ARL6IP6: variants seen among roughly 807,000 people sequenced by gnomAD.
ARL6IP6 encodes ADP-ribosylation factor-like protein 6-interacting protein 6.
In ARL6IP6, 22 loss-of-function variants were observed where a neutral mutation model predicts 21.5. The observed-to-expected ratio is 1.02, with a 90% CI of 0.73 to 1.46. ARL6IP6 has a LOEUF of 1.46. Ranked by LOEUF, ARL6IP6 falls within the 40% of genes most tolerant of loss-of-function variation. The pLI, the probability that ARL6IP6 is intolerant of heterozygous loss-of-function variation, is 0.00. For synonymous variants in ARL6IP6, 164 were observed against 125.3 expected (o/e 1.31, Z -2.06); for missense variants, 388 against 299.8 (o/e 1.29, Z -2.17).
chr2:152,731,109 C>T (rs1700289490), intron 2 of ARL6IP6, among the ~76,000 whole-genome samples: 1 of 152,118 alleles, frequency 6.6e-6, no homozygotes, highest in African/African-American at 2.4e-5. Context: ...CACTCCTATC[C>T]CTGATTATAT....
chr2:152,737,563 A>C (rs375478143), intron 3 of ARL6IP6, among the ~76,000 whole-genome samples: 21 of 152,170 alleles, frequency 1.4e-4, no homozygotes, highest in African/African-American at 4.3e-4. Context: ...ACAGTTCCAC[A>C]TGGCTGGGGA....
chr2:152,749,990 C>T (rs2105173630), intron 3 of ARL6IP6, among the ~76,000 whole-genome samples: 1 of 152,268 alleles, frequency 6.6e-6, no homozygotes, highest in African/African-American at 2.4e-5. Flanking sequence ...AAATTATATC[C>T]ATTAATTTTC....
At chr2:152,759,408 G>C (rs2105199459) in intron 3 of ARL6IP6, among the ~76,000 whole-genome samples, 1 of 152,274 alleles carries the variant, frequency 6.6e-6, no homozygotes, top group Middle Eastern at 3.4e-3. Flanking sequence ...AGAACTGTTT[G>C]TAAAATAACA....
intron 3 of ARL6IP6, among the ~76,000 whole-genome samples, chr2:152,747,950 C>G (rs1006528958): frequency 6.6e-6 from 1 of 152,206 alleles, no homozygotes; most frequent in Non-Finnish European, 1.5e-5. Context: ...ATCCTCCTGC[C>G]TCAGCCTTCC....
At chr2:152,757,981 C>T (rs1701664817) in intron 3 of ARL6IP6, among the ~76,000 whole-genome samples, 1 of 152,134 alleles carries the variant, frequency 6.6e-6, no homozygotes, top group South Asian at 2.1e-4. Context: ...GGATCACAAA[C>T]TACTAAAACA....
Position 152,760,865 on chromosome 2 carries a change from A to G in ARL6IP6, c.*1025A>G, listed in dbSNP as rs1465904773. On this transcript the variant is annotated 3_prime_UTR_variant, in exon 4 of 4. Transcript: ENST00000326446. The stretch of plus-strand genomic sequence containing the variant: ...TGATACTAGATATTAAAAACTACAT[A>G]TAGTTAATATAATTTTATAATTTTT... 2 of 152,180 alleles carry G rather than the reference A, an allele frequency of 1.3e-5. No homozygotes were observed. Among genetic ancestry groups the G allele is most frequent in the African/African-American group, 4.8e-5 (2 of 41,558 alleles). 9.4% of individuals were successfully genotyped at this position (152,180 alleles called of 1,614,324 possible).
Position 152,738,755 on chromosome 2 carries a change from A to G in ARL6IP6, c.587+3629A>G, listed in dbSNP as rs551758191. 3.6e-4 allele frequency among the ~76,000 whole-genome samples: 55 copies of G among 152,076 alleles called. No individual in the cohort carries two copies. The South Asian group carries it at 0.011, about 30-fold the overall frequency. The stretch of plus-strand genomic sequence containing the variant: ...TGTGATGGGAGAGGCTGCTGGGAAG[A>G]CCTCTGACATGCCCTGGAGACATTT... On this transcript the variant is annotated intron_variant, in intron 3 of 3. Coordinates refer to ENST00000326446, the MANE Select transcript of ARL6IP6 (RefSeq NM_152522.7).
At chr2:152,757,344 T>C (rs536516573) in intron 3 of ARL6IP6, among the ~76,000 whole-genome samples, 2 of 152,330 alleles carry the variant, frequency 1.3e-5, no homozygotes, top group African/African-American at 4.8e-5. Flanking sequence ...CATTGAACTG[T>C]ATATAAATGT....
chr2:152,722,194 G>C (rs1699823290), intron 2 of ARL6IP6, among the ~76,000 whole-genome samples: 1 of 152,112 alleles, frequency 6.6e-6, no homozygotes, highest in Admixed American at 6.5e-5. Flanking sequence ...TTCCACTTAG[G>C]GTTAAATAAT....
upstream of ARL6IP6, chr2:152,717,703 C>T (rs1359760882): frequency 1.7e-5 from 23 of 1,386,718 alleles, no homozygotes; most frequent in Non-Finnish European, 2.0e-5. Context: ...CTACCAACTT[C>T]CCCAGGGGAA....
At chr2:152,751,230 AATC>A (rs1701315573) in intron 3 of ARL6IP6, among the ~76,000 whole-genome samples, 1 of 152,194 alleles carries the variant, frequency 6.6e-6, no homozygotes, top group African/African-American at 2.4e-5. Context: ...GACACATAAT[AATC>A]ATATTCATTA....
chr2:152,741,310 C>CT (rs1700798489), intron 3 of ARL6IP6, among the ~76,000 whole-genome samples: 1 of 151,432 alleles, frequency 6.6e-6, no homozygotes, highest in East Asian at 1.9e-4. Context: ...AATGTATATA[C>CT]TTTTTTGTAA....
intron 2 of ARL6IP6, chr2:152,732,637 A>G (rs751858073): frequency 2.4e-5 from 10 of 419,342 alleles, no homozygotes; most frequent in East Asian, 7.3e-5. Context: ...TTTGCTATGC[A>G]TATATAGTAA....
chr2:152,731,999 T>C (rs560226906), intron 2 of ARL6IP6, among the ~76,000 whole-genome samples: 1 of 152,220 alleles, frequency 6.6e-6, no homozygotes, highest in South Asian at 2.1e-4. Flanking sequence ...CATAGTATTC[T>C]ATTGTATGGA....
In ARL6IP6 at chr2:152,718,813, G is replaced by A. The variant is rs372082932; in HGVS notation, c.189G>A (p.Ala63=). 1.9e-6 allele frequency: 3 copies of A among 1,608,278 alleles called. No homozygotes were observed. The East Asian group carries it at 6.7e-5, about 36-fold the overall frequency. Residue 63 remains alanine, a synonymous_variant, in exon 1 of 4, where the codon GCG becomes GCA. Coordinates refer to ENST00000326446, the MANE Select transcript of ARL6IP6 (RefSeq NM_152522.7). ...RDLRAEFSAG[A]WSEPRKRSVL... ...TGCGGGCGGAGTTCTCGGCTGGGGCGTGGTCAGAGCCCAGAAAGCGCTCGG... is the reference window on the plus strand; with the variant it reads ...TGCGGGCGGAGTTCTCGGCTGGGGCATGGTCAGAGCCCAGAAAGCGCTCGG...
upstream of ARL6IP6, chr2:152,718,023 G>C: frequency 2.0e-6 from 2 of 995,164 alleles, no homozygotes; most frequent in Non-Finnish European, 2.4e-6. Flanking sequence ...GGGGAAGGAG[G>C]CGTGTCGAGT....
intron 3 of ARL6IP6, among the ~76,000 whole-genome samples, chr2:152,759,379 C>T (rs181639500): frequency 3.3e-5 from 5 of 152,216 alleles, no homozygotes; most frequent in Non-Finnish European, 7.4e-5. Flanking sequence ...AGCATGGAAA[C>T]ACACCGCTAA....
intron 2 of ARL6IP6, among the ~76,000 whole-genome samples, chr2:152,730,084 A>G (rs1290443612): frequency 1.3e-5 from 2 of 152,132 alleles, no homozygotes; most frequent in Admixed American, 6.5e-5. Context: ...TTTTACCCCT[A>G]TCATTGTGAC....
At chr2:152,757,652 C>G (rs1451057225) in intron 3 of ARL6IP6, among the ~76,000 whole-genome samples, 2 of 152,116 alleles carry the variant, frequency 1.3e-5, no homozygotes, top group African/African-American at 2.4e-5. Flanking sequence ...AGAGGAAAAT[C>G]ATGGTGAATA....
Sources: allele counts gnomAD v4.1 joint callset (sites outside exome capture counted in the v4.1 genomes callset), GRCh38; gene constraint gnomAD v4.1.1; transcripts MANE v1.5; gene names NCBI Gene and HGNC (gene_info 2026-07-23, HGNC 2026-07-21).